Variants in COL4A2 observed in about 807,000 individuals in gnomAD.
The protein encoded by COL4A2 is collagen alpha-2(IV) chain.
A neutral mutation model predicts 200.2 loss-of-function variants in COL4A2; 99 were observed. The observed-to-expected ratio is 0.49, with a 90% CI of 0.42 to 0.58. COL4A2 has a LOEUF of 0.58. COL4A2 is among the 20% of genes least tolerant of loss of function. The pLI, the probability that COL4A2 is intolerant of heterozygous loss-of-function variation, is 0.00. For missense variants in COL4A2, 1,950 were observed against 2,314.1 expected (o/e 0.84, Z 3.23); for synonymous variants, 897 against 900.6 (o/e 1.00, Z 0.07).
At chr13:110,369,500 T>A (rs9521723) in intron 4 of COL4A2, among the ~76,000 whole-genome samples, 2,978 of 152,288 alleles carry the variant, frequency 0.02, 41 homozygotes, top group Non-Finnish European at 0.03. Flanking sequence ...CACCCTCTGA[T>A]GAGCTTCAAT....
chr13:110,478,834 A>G (rs771823060), intron 30 of COL4A2, among the ~76,000 whole-genome samples: 3 of 152,256 alleles, frequency 2.0e-5, no homozygotes, highest in Non-Finnish European at 4.4e-5. Context: ...AGGACACCGT[A>G]ACTGTAAAGT....
chr13:110,450,296 T>G lies in COL4A2; in HGVS notation c.1190-9T>G. The G allele has an allele frequency of 6.2e-7, 1 of 1,612,508 alleles. No individual in the cohort carries two copies. Among genetic ancestry groups the G allele is most frequent in the Non-Finnish European group, 8.5e-7 (1 of 1,178,798 alleles). ...ACTCACGCTGCAGGTGAATGCTGTT[T>G]GGTTTCAGATCAGAGGAGAGGCCTG... is the stretch of plus-strand genomic sequence containing the variant. On this transcript the variant is annotated splice_polypyrimidine_tract_variant and intron_variant, in intron 19 of 47. Transcript: ENST00000360467.
At chr13:110,352,924 C>T (rs933911940) in intron 3 of COL4A2, among the ~76,000 whole-genome samples, 2 of 152,308 alleles carry the variant, frequency 1.3e-5, no homozygotes, top group South Asian at 4.1e-4. Flanking sequence ...GCCTGGATCA[C>T]GTTCCACACC....
chr13:110,380,340 T>G (rs912658348), intron 4 of COL4A2, among the ~76,000 whole-genome samples: 10 of 152,196 alleles, frequency 6.6e-5, no homozygotes, highest in Non-Finnish European at 1.5e-5. Context: ...TTGTTTATGA[T>G]TTTATAGAGG....
At chr13:110,495,300 T>C (rs759229795) in intron 39 of COL4A2, 42 bp from the exon 40 acceptor site, 5 of 1,613,370 alleles carry the variant, frequency 3.1e-6, no homozygotes, top group Non-Finnish European at 4.2e-6. Flanking sequence ...AACTGTATGG[T>C]TGGAAACACC....
At chr13:110,485,117 C>A in intron 33 of COL4A2, 90 bp downstream of exon 33, 1 of 1,198,704 alleles carries the variant, frequency 8.3e-7, no homozygotes, top group Non-Finnish European at 1.1e-6. Flanking sequence ...CAGAGACGCC[C>A]GTGCCCTCCA....
chr13:110,485,170 T>C (rs1883071310), intron 33 of COL4A2, 143 bp downstream of exon 33: 2 of 691,082 alleles, frequency 2.9e-6, no homozygotes, highest in African/African-American at 1.8e-5. Flanking sequence ...GCCCTGTGTG[T>C]CCATAGCTGG....
At chr13:110,464,996 G>A (rs950173370) in intron 24 of COL4A2, among the ~76,000 whole-genome samples, 13 of 152,112 alleles carry the variant, frequency 8.5e-5, no homozygotes, top group Non-Finnish European at 1.2e-4. Flanking sequence ...CTTTAACAAC[G>A]TAGCATCTCT....
intron 4 of COL4A2, among the ~76,000 whole-genome samples, chr13:110,400,151 A>T (rs1879321180): frequency 6.6e-6 from 1 of 152,230 alleles, no homozygotes; most frequent in South Asian, 2.1e-4. Flanking sequence ...TAATTCATTC[A>T]TAAAGTACCT....
intron 4 of COL4A2, among the ~76,000 whole-genome samples, chr13:110,402,574 G>T (rs949506902): frequency 3.9e-5 from 6 of 152,184 alleles, no homozygotes; most frequent in Non-Finnish European, 8.8e-5. Flanking sequence ...ACTGTTCTGG[G>T]TGCTGGGGGC....
chr13:110,488,741 T>C (rs1190521212), intron 34 of COL4A2, among the ~76,000 whole-genome samples: 1 of 152,200 alleles, frequency 6.6e-6, no homozygotes, highest in Non-Finnish European at 1.5e-5. Flanking sequence ...TGGCAGGGTT[T>C]TCATGAGGCG....
At chr13:110,472,168 T>G (rs1022374792) in intron 28 of COL4A2, among the ~76,000 whole-genome samples, 5 of 128,720 alleles carry the variant, frequency 3.9e-5, no homozygotes, top group Admixed American at 8.5e-5. Flanking sequence ...CAGGCTGGAG[T>G]GCAGTGGTGC....
chr13:110,335,320 C>T (rs1594153393), intron 3 of COL4A2, among the ~76,000 whole-genome samples: 1 of 152,138 alleles, frequency 6.6e-6, no homozygotes, highest in Non-Finnish European at 1.5e-5. Context: ...CCATAATTCC[C>T]ACATGTTTTG....
At position 110,330,103 on chromosome 13, in the gene COL4A2, G is replaced by A. The variant is rs951732066; in HGVS notation, c.99+21980G>A. Among the ~76,000 whole-genome samples, 29 of 152,198 alleles carry A rather than the reference G, an allele frequency of 1.9e-4. 1 individual carries two copies. The highest frequency in any genetic ancestry group is 2.6e-4 in the Non-Finnish European group (18 of 68,048). ...TGACAGTTTTCTAATGAAATTAGAC[G>A]GAGAATGAGTTTTACCATTAAGGAC... On this transcript the variant is annotated intron_variant, in intron 3 of 47. Coordinates refer to ENST00000360467, the MANE Select transcript of COL4A2 (RefSeq NM_001846.4).
chr13:110,356,594 A>G (rs766649113), intron 3 of COL4A2, among the ~76,000 whole-genome samples: 27 of 152,114 alleles, frequency 1.8e-4, no homozygotes, highest in Non-Finnish European at 2.6e-4. Context: ...CTCCAGGCAC[A>G]TGCTCCACAT....
At chr13:110,405,599 G>A (rs187704196) in intron 4 of COL4A2, among the ~76,000 whole-genome samples, 1 of 152,340 alleles carries the variant, frequency 6.6e-6, no homozygotes, top group East Asian at 1.9e-4. Flanking sequence ...CCGCAGTCAG[G>A]GCCCAGTCAC....
At chr13:110,504,740 G>A (rs1883782145) in intron 45 of COL4A2, among the ~76,000 whole-genome samples, 1 of 151,958 alleles carries the variant, frequency 6.6e-6, no homozygotes, top group Admixed American at 6.6e-5. Flanking sequence ...CAAGTAGTTG[G>A]GACTACAGGC....
chr13:110,503,235 C>G lies in COL4A2; in HGVS notation c.3992C>G (p.Ser1331Cys), dbSNP rs1213576989. The G allele has an allele frequency of 1.2e-6, 2 of 1,613,476 alleles. No homozygotes were observed. The highest frequency in any genetic ancestry group is 3.3e-5 in the Admixed American group (2 of 59,848). Reference protein sequence around the residue: ...TPGTKGWAGDSGPQGRPGVFG... With the variant: ...TPGTKGWAGDCGPQGRPGVFG... ...GGGACCAAAGGATGGGCCGGGGACT[C>G]CGGGCCCCAGGGCAGGCCTGGTGTG... Residue 1331 changes from serine to cysteine, a missense_variant, in exon 42 of 48, where the codon TCC (serine) becomes TGC (cysteine). Around this residue, in one of 2 missense-constraint regions of COL4A2, gnomAD observed 1,385 missense variants for 1,720.5 expected, o/e 0.80. Coordinates refer to ENST00000360467, the MANE Select transcript of COL4A2 (RefSeq NM_001846.4).
chr13:110,334,982 C>T (rs1876109256), intron 3 of COL4A2, among the ~76,000 whole-genome samples: 1 of 152,114 alleles, frequency 6.6e-6, no homozygotes, highest in African/African-American at 2.4e-5. Context: ...AGCTGGGGGC[C>T]CAGCTCCAGG....
Sources: allele counts gnomAD v4.1 joint callset (sites outside exome capture counted in the v4.1 genomes callset), GRCh38; gene constraint gnomAD v4.1.1; regional missense constraint gnomAD v4.1.1; transcripts MANE v1.5; gene names NCBI Gene and HGNC (gene_info 2026-07-23, HGNC 2026-07-21).